The following PRUNE2 variants were observed in gnomAD, a reference collection of about 807,000 sequenced individuals.
PRUNE2 encodes protein prune homolog 2.
In PRUNE2, 164 loss-of-function variants were observed where a neutral mutation model predicts 252.0. That is an observed-to-expected ratio of 0.65 (90% confidence interval 0.57 to 0.74). The LOEUF is 0.74. Ranked by LOEUF, PRUNE2 falls within the 30% of genes least tolerant of loss-of-function variation. The pLI is 0.00. For synonymous variants in PRUNE2, 1,292 were observed against 1,350.2 expected, an observed-to-expected ratio of 0.96 and a Z score of 0.94; for missense variants, 3,495 against 3,711.0, an observed-to-expected ratio of 0.94 and a Z score of 1.51.
At chr9:76,766,046 G>A (rs186457861) in intron 6 of PRUNE2, among the ~76,000 whole-genome samples, 98 of 152,062 alleles carry the variant, frequency 6.4e-4, no homozygotes, top group Non-Finnish European at 1.3e-3. Flanking sequence ...AGCCGCGCGT[G>A]GTGGCAGGCA....
chr9:76,658,967 G>T (rs1850268033), intron 9 of PRUNE2, among the ~76,000 whole-genome samples: 10 of 152,184 alleles, frequency 6.6e-5, no homozygotes, highest in Admixed American at 6.5e-4. Context: ...GACTTGCTTT[G>T]GCTAATGAAG....
At chr9:76,794,092 T>A (rs547104922) in intron 6 of PRUNE2, among the ~76,000 whole-genome samples, 4 of 152,208 alleles carry the variant, frequency 2.6e-5, no homozygotes, top group Non-Finnish European at 5.9e-5. Flanking sequence ...TAGTTACTAT[T>A]TATTGAGCAC....
chr9:76,647,766 C>T (rs1220105864), intron 11 of PRUNE2, among the ~76,000 whole-genome samples: 1 of 152,080 alleles, frequency 6.6e-6, no homozygotes, highest in South Asian at 2.1e-4. Context: ...AGATCAAGAC[C>T]ATCCTGCCAA....
intron 6 of PRUNE2, among the ~76,000 whole-genome samples, chr9:76,812,152 CTG>C (rs1384300646): frequency 1.3e-5 from 2 of 152,202 alleles, no homozygotes; most frequent in African/African-American, 4.8e-5. Flanking sequence ...AGAGCAAGCT[CTG>C]TGTCTCTAGC....
rs1213364343 is a variant in PRUNE2 at position 76,708,625 on chromosome 9, TTGCAATTAGC to T, written c.3639_3648del (p.Leu1214ThrfsTer8). 1 of 1,613,816 alleles carries T rather than the reference TTGCAATTAGC, an allele frequency of 6.2e-7. No individual in the cohort carries two copies. The highest frequency in any genetic ancestry group is 8.5e-7 in the Non-Finnish European group (1 of 1,179,880). On this transcript the variant is annotated frameshift_variant, in exon 8 of 19. Coordinates refer to ENST00000376718, the MANE Select transcript of PRUNE2 (RefSeq NM_015225.3). LOFTEE classifies it high-confidence loss of function. ...CTCATGACAGAATCCCAAATACTGT[TTGCAATTAGC>T]TGCCCACTTTTCTCATTCAATGTGT...
intron 1 of PRUNE2, among the ~76,000 whole-genome samples, chr9:76,877,459 C>T (rs1408430956): frequency 2.0e-5 from 3 of 152,050 alleles, no homozygotes; most frequent in Non-Finnish European, 2.9e-5. Context: ...TGCCACTTGA[C>T]TCCAGCCTGG....
intron 9 of PRUNE2, among the ~76,000 whole-genome samples, chr9:76,667,814 C>G (rs11145003): frequency 0.03 from 4,541 of 152,308 alleles, 117 homozygotes; most frequent in Non-Finnish European, 0.044. Flanking sequence ...TTTACATGCT[C>G]TACAGTTTCT....
At chr9:76,828,324 T>C (rs975283782) in intron 4 of PRUNE2, among the ~76,000 whole-genome samples, 7 of 152,094 alleles carry the variant, frequency 4.6e-5, no homozygotes, top group Admixed American at 6.5e-5. Flanking sequence ...TACAGGTAGA[T>C]GGTATGATTT....
intron 6 of PRUNE2, among the ~76,000 whole-genome samples, chr9:76,743,168 T>G (rs1438391744): frequency 6.6e-6 from 1 of 152,166 alleles, no homozygotes; most frequent in Non-Finnish European, 1.5e-5. Flanking sequence ...CTTGAGGACT[T>G]CCCAGCCATG....
At chr9:76,680,187 G>A (rs1446713070) in intron 9 of PRUNE2, among the ~76,000 whole-genome samples, 1 of 151,982 alleles carries the variant, frequency 6.6e-6, no homozygotes, top group Non-Finnish European at 1.5e-5. Flanking sequence ...TTAAAAAATG[G>A]GCAAAAGAAA....
intron 11 of PRUNE2, among the ~76,000 whole-genome samples, chr9:76,651,045 G>A (rs371293229): frequency 1.1e-3 from 174 of 152,210 alleles, no homozygotes; most frequent in African/African-American, 3.7e-3. Context: ...ACAGGAAATA[G>A]TACAAATTCC....
At chr9:76,636,973 A>ATGTGTGTGTGTGTGTGTG (rs71354667) in intron 14 of PRUNE2, among the ~76,000 whole-genome samples, 22 of 145,504 alleles carry the variant, frequency 1.5e-4, no homozygotes, top group African/African-American at 5.8e-4. Context: ...AACAACAAAA[A>ATGTGTGTGTGTGTGTGTG]TGTGTGTGTG....
intron 1 of PRUNE2, among the ~76,000 whole-genome samples, chr9:76,894,703 T>C (rs2062705462): frequency 8.4e-6 from 1 of 119,648 alleles, no homozygotes. Context: ...CACCCTTTCA[T>C]TAATTTTCTG....
chr9:76,813,545 T>A (rs193302240), intron 6 of PRUNE2, among the ~76,000 whole-genome samples: 240 of 152,354 alleles, frequency 1.6e-3, no homozygotes, highest in Non-Finnish European at 2.7e-3. Flanking sequence ...AAAACTATTC[T>A]TTAATTCAGC....
chr9:76,823,477 C>T, intron 6 of PRUNE2, 155 bp downstream of exon 6: 1 of 628,038 alleles, frequency 1.6e-6, no homozygotes, highest in African/African-American at 1.8e-5. Flanking sequence ...GTGTTTTCAC[C>T]CAAATAATAA....
intron 6 of PRUNE2, among the ~76,000 whole-genome samples, chr9:76,793,487 T>C (rs2055755480): frequency 6.6e-6 from 1 of 152,146 alleles, no homozygotes. Context: ...GCCATCTCAT[T>C]AGAGCCACTG....
At chr9:76,717,842 G>A (rs1034488791) in intron 6 of PRUNE2, among the ~76,000 whole-genome samples, 6 of 152,140 alleles carry the variant, frequency 3.9e-5, no homozygotes, top group African/African-American at 1.2e-4. Flanking sequence ...CCCTGTCACA[G>A]CCCTTTGTCA....
chr9:76,827,347 G>A (rs944102239), intron 4 of PRUNE2, among the ~76,000 whole-genome samples: 1 of 152,048 alleles, frequency 6.6e-6, no homozygotes, highest in African/African-American at 2.4e-5. Context: ...CTAAATCACA[G>A]GTTTAAATTA....
intron 6 of PRUNE2, among the ~76,000 whole-genome samples, chr9:76,802,954 T>C (rs1381308206): frequency 6.6e-6 from 1 of 152,124 alleles, no homozygotes; most frequent in Non-Finnish European, 1.5e-5. Context: ...AATCACTTGA[T>C]TTTGGTTCAC....
Sources: gnomAD v4.1 joint callset for allele counts (sites outside exome capture counted in the v4.1 genomes callset) on GRCh38, gnomAD v4.1.1 for gene constraint, MANE v1.5 for transcripts, NCBI Gene and HGNC (gene_info 2026-07-23, HGNC 2026-07-21) for gene names.